SEC14L3: variants seen among roughly 807,000 people sequenced by gnomAD.
SEC14L3 encodes the protein SEC14 like lipid binding 3.
In SEC14L3, 56 loss-of-function variants were observed where a neutral mutation model predicts 57.4. The observed-to-expected ratio is 0.97, with a 90% CI of 0.79 to 1.22. The LOEUF is 1.22. Ranked by LOEUF, SEC14L3 falls within the 50% of genes most tolerant of loss-of-function variation. The pLI, the probability that SEC14L3 is intolerant of heterozygous loss-of-function variation, is 0.00. For missense variants in SEC14L3, 485 were observed against 511.7 expected (o/e 0.95, Z 0.50); for synonymous variants, 173 against 194.4 (o/e 0.89, Z 0.92).
rs1935515233 is a variant in SEC14L3, at chr22:30,468,908, G to T, written c.235-212C>A. ...GGGTAAATGGCAAAGCCAGGTCTCAGCAGGCCCTTGGACTTCTTAGGTCTG... is the reference window on the plus strand; with the variant it reads ...GGGTAAATGGCAAAGCCAGGTCTCATCAGGCCCTTGGACTTCTTAGGTCTG... On this transcript the variant is annotated intron_variant, in intron 4 of 11. Coordinates refer to ENST00000215812, the MANE Select transcript of SEC14L3 (RefSeq NM_174975.5). The T allele has an allele frequency of 2.6e-6, 4 of 1,512,124 alleles. No individual in the cohort carries two copies. In the East Asian group the frequency reaches 9.9e-5, roughly 37 times the overall value. 93.7% of individuals were successfully genotyped at this position (1,512,124 alleles called of 1,614,324 possible).
chr22:30,461,438 A>G lies in SEC14L3; in HGVS notation c.953T>C (p.Val318Ala). 1 of 1,613,388 alleles carries G rather than the reference A, an allele frequency of 6.2e-7. No homozygotes were observed. The highest frequency in any genetic ancestry group is 8.5e-7 in the Non-Finnish European group (1 of 1,179,806). Reference protein sequence around the residue: ...SSDGADIGFGVFLKTKMGERQ... With the variant: ...SSDGADIGFGAFLKTKMGERQ... ...CTCCCCCATCTTGGTCTTCAGGAAA[A>G]CTCCGAAGCCGATGTCCGCACCATC... Residue 318 changes from valine to alanine, a missense_variant, in exon 11 of 12, where the codon GTT becomes GCT. Coordinates refer to ENST00000215812, the MANE Select transcript of SEC14L3 (RefSeq NM_174975.5).
chr22:30,468,910 A>T (rs5753162), intron 4 of SEC14L3: 963,014 of 1,505,930 alleles, frequency 0.64, 313,813 homozygotes, highest in East Asian at 0.88. Context: ...AGGTCTCAGC[A>T]GGCCCTTGGA....
chr22:30,464,705 A>T, intron 8 of SEC14L3, 115 bp downstream of exon 8: 1 of 925,342 alleles, frequency 1.1e-6, no homozygotes, highest in Non-Finnish European at 1.8e-6. Flanking sequence ...TGCTGGGATT[A>T]CATTCGTGAG....
At chr22:30,464,968 G>T in intron 7 of SEC14L3, 65 bp from the exon 8 acceptor site, 1 of 1,608,286 alleles carries the variant, frequency 6.2e-7, no homozygotes, top group South Asian at 1.1e-5. Flanking sequence ...CCTCCATAAT[G>T]GTTATAGCCA....
chr22:30,462,483 TGCA>T (rs1935298559), intron 8 of SEC14L3, among the ~76,000 whole-genome samples: 1 of 152,210 alleles, frequency 6.6e-6, no homozygotes, highest in African/African-American at 2.4e-5. Flanking sequence ...CATGGCTCAC[TGCA>T]GCCTCGACTT....
In SEC14L3 at chr22:30,468,863, G is replaced by A. The variant is rs928105266; in HGVS notation, c.235-167C>T. The A allele has an allele frequency of 1.9e-6, 3 of 1,549,548 alleles. No homozygotes were observed. The African/African-American group carries it at 4.1e-5, about 21-fold the overall frequency. ...AGGTGAGAAAGCTGAGGTCCTGCAG[G>A]GGAGGGCCTTGCTCACAGAGGGTAA... On this transcript the variant is annotated intron_variant, in intron 4 of 11. Transcript: ENST00000215812.
downstream of SEC14L3, among the ~76,000 whole-genome samples, chr22:30,458,171 G>A (rs972296509): frequency 6.6e-6 from 1 of 152,170 alleles, no homozygotes; most frequent in Non-Finnish European, 1.5e-5. Context: ...CAAGAGTTGT[G>A]TCAGGGACTG....
chr22:30,467,523 TCTGG>T (rs1476554601), intron 5 of SEC14L3, among the ~76,000 whole-genome samples: 2 of 152,222 alleles, frequency 1.3e-5, no homozygotes, highest in Middle Eastern at 3.2e-3. Context: ...AAGTTCACTG[TCTGG>T]CTGGGGAGAT....
At position 30,470,570 on chromosome 22, in the gene SEC14L3, C is replaced by T. The variant is rs770146487; in HGVS notation, c.67G>A (p.Val23Ile). 6 of 1,614,034 alleles carry T rather than the reference C, an allele frequency of 3.7e-6. No homozygotes were observed. The highest frequency in any genetic ancestry group is 1.3e-5 in the African/African-American group (1 of 74,914). Residue 23 changes from valine (V) to isoleucine (I), a missense_variant, in exon 2 of 12, where the codon GTC (valine) becomes ATC (isoleucine). Coordinates refer to ENST00000215812, the MANE Select transcript of SEC14L3 (RefSeq NM_174975.5). Reference protein sequence around the residue: ...AETLAKFRENVQDVLPALPNP... With the variant: ...AETLAKFRENIQDVLPALPNP... ...GGCAGGGCAGGAAGCACATCCTGGA[C>T]GTTTTCTCGGAACTGGCAAGAGAGA...
In SEC14L3 at chr22:30,470,042, T is replaced by G. The variant is rs903296261; in HGVS notation, c.211A>C (p.Ile71Leu). Residue 71 changes from isoleucine (I) to leucine (L), a missense_variant, in exon 4 of 12, where the codon ATC becomes CTC. Physicochemically the swap from Ile to Leu is conservative, Grantham distance 5. Coordinates refer to ENST00000215812, the MANE Select transcript of SEC14L3 (RefSeq NM_174975.5). ...ACCTCTGGGGGCTGCCAATCAAGGATATGGTCAATATCCATGGTCTTCCGG... is the reference window on the plus strand; with the variant it reads ...ACCTCTGGGGGCTGCCAATCAAGGAGATGGTCAATATCCATGGTCTTCCGG... ...EFRKTMDIDH[I>L]LDWQPPEVIQ... 3 of 1,583,620 alleles carry G rather than the reference T, an allele frequency of 1.9e-6. No individual in the cohort carries two copies. The African/African-American group carries it at 4.1e-5, about 21-fold the overall frequency.
chr22:30,449,271 A>G (rs1934934621), intron 12 of SEC14L3: 1 of 1,547,090 alleles, frequency 6.5e-7, no homozygotes, highest in Admixed American at 2.0e-5. Flanking sequence ...GTTATGAGAA[A>G]ACAAAACAAA....
intron 8 of SEC14L3, 160 bp from the exon 9 acceptor site, chr22:30,462,352 C>T: frequency 1.5e-6 from 1 of 662,400 alleles, no homozygotes; most frequent in Non-Finnish European, 1.9e-6. Flanking sequence ...CAGTAAGTGT[C>T]TTTCTCAGCA....
chr22:30,467,559 G>A (rs1409416574), intron 5 of SEC14L3, among the ~76,000 whole-genome samples: 1 of 152,158 alleles, frequency 6.6e-6, no homozygotes, highest in Non-Finnish European at 1.5e-5. Context: ...AGGTCATTTG[G>A]ATCCTATGAT....
At chr22:30,455,436 T>C (rs1935104515), downstream of SEC14L3, among the ~76,000 whole-genome samples, 1 of 151,154 alleles carries the variant, frequency 6.6e-6, no homozygotes, top group South Asian at 2.1e-4. Context: ...TTTGTAGAGA[T>C]AGGGTTTCAC....
chr22:30,453,158 A>G (rs1935020085), intron 12 of SEC14L3, among the ~76,000 whole-genome samples: 1 of 152,192 alleles, frequency 6.6e-6, no homozygotes, highest in South Asian at 2.1e-4. Context: ...ATCATCGTTA[A>G]CTAACATCTT....
chr22:30,466,917 TG>T (rs1203890243), intron 6 of SEC14L3, 64 bp downstream of exon 6: 2 of 1,496,268 alleles, frequency 1.3e-6, no homozygotes, highest in Non-Finnish European at 1.8e-6. Flanking sequence ...AGTAAGCAGC[TG>T]GGTCATGGCA....
At chr22:30,466,476 G>A (rs1935420739) in intron 6 of SEC14L3, 82 bp from the exon 7 acceptor site, 3 of 1,597,898 alleles carry the variant, frequency 1.9e-6, no homozygotes, top group Admixed American at 3.4e-5. Flanking sequence ...CCTGTTGGGA[G>A]GTTTCAGATG....
In SEC14L3 at chr22:30,461,484, CAGGGGG is replaced by C. The variant is rs1935260299; in HGVS notation, c.912-11_912-6del. 2.5e-6 allele frequency: 4 copies of C among 1,612,962 alleles called. No individual in the cohort carries two copies. The African/African-American group carries it at 5.3e-5, about 22-fold the overall frequency. ...CCATCAGATGAGAACTGCCACCTGT[CAGGGGG>C]AGGGGGAGGAGACAGGTTGCTGCTC... On this transcript the variant is annotated splice_region_variant and splice_polypyrimidine_tract_variant and intron_variant, in intron 10 of 11. Transcript: ENST00000215812.
At chr22:30,466,639 C>G (rs1267431064) in intron 6 of SEC14L3, among the ~76,000 whole-genome samples, 1 of 152,090 alleles carries the variant, frequency 6.6e-6, no homozygotes, top group Admixed American at 6.5e-5. Flanking sequence ...ATAATGACTA[C>G]TGTTGATTAA....
Sources: allele counts gnomAD v4.1 joint callset (sites outside exome capture counted in the v4.1 genomes callset), GRCh38; gene constraint gnomAD v4.1.1; transcripts MANE v1.5; gene names NCBI Gene and HGNC (gene_info 2026-07-23, HGNC 2026-07-21).